EYA1: variants seen among roughly 807,000 people sequenced by gnomAD.
The protein encoded by EYA1 is protein phosphatase EYA1.
Under a neutral mutation model 82.0 loss-of-function variants are expected in EYA1, and 16 were observed. The ratio of observed to expected loss-of-function variants is 0.20; its 90% confidence interval spans 0.13 to 0.30. The LOEUF (loss-of-function observed/expected upper bound fraction) is 0.30. EYA1 is among the 10% of genes least tolerant of loss of function. The pLI is 1.00. For missense variants in EYA1, 633 were observed against 730.7 expected, an observed-to-expected ratio of 0.87 and a Z score of 1.54; for synonymous variants, 261 against 264.4, an observed-to-expected ratio of 0.99 and a Z score of 0.12.
At chr8:71,389,315 T>C (rs939625033) in intron 2 of EYA1, among the ~76,000 whole-genome samples, 19 of 152,174 alleles carry the variant, frequency 1.2e-4, no homozygotes, top group African/African-American at 4.3e-4. Context: ...GATATTTATT[T>C]ATATTGCTAA....
intron 9 of EYA1, among the ~76,000 whole-genome samples, chr8:71,293,908 T>C (rs1819286365): frequency 6.6e-6 from 1 of 150,990 alleles, no homozygotes; most frequent in African/African-American, 2.4e-5. Context: ...ACCACTCCTG[T>C]TCGACATTGT....
intron 2 of EYA1, among the ~76,000 whole-genome samples, chr8:71,486,384 G>A (rs759767075): frequency 1.3e-5 from 2 of 152,152 alleles, no homozygotes; most frequent in Non-Finnish European, 2.9e-5. Context: ...GAAAGCATTC[G>A]TTTCCCCTCA....
intron 2 of EYA1, among the ~76,000 whole-genome samples, chr8:71,405,182 C>A (rs1441933518): frequency 6.6e-6 from 1 of 152,104 alleles, no homozygotes; most frequent in Non-Finnish European, 1.5e-5. Context: ...TGAAATTCTA[C>A]AATTAGCTTA....
chr8:71,304,303 A>G lies in EYA1; in HGVS notation c.557-4583T>C, dbSNP rs905414626. Among the ~76,000 whole-genome samples the G allele has an allele frequency of 1.1e-4, 15 of 142,786 alleles. 1 individual carries two copies. The highest frequency in any genetic ancestry group is 3.7e-4 in the African/African-American group (15 of 40,392). 93.7% of individuals were successfully genotyped at this position (142,786 alleles called of 152,430 possible). On this transcript the variant is annotated intron_variant, in intron 7 of 17. Coordinates refer to ENST00000340726, the MANE Select transcript of EYA1 (RefSeq NM_000503.6). ...CCCGTTTATAGACGAAGAAACTGCC[A>G]GAGGTAATAAGCAACTGTGGCAGAG...
At chr8:71,505,009 AG>A (rs1456124554) in intron 2 of EYA1, among the ~76,000 whole-genome samples, 2 of 152,150 alleles carry the variant, frequency 1.3e-5, no homozygotes, top group Admixed American at 6.5e-5. Flanking sequence ...CATGTTGGCC[AG>A]GCTGGTCTCA....
intron 3 of EYA1, among the ~76,000 whole-genome samples, chr8:71,342,506 T>C (rs767702858): frequency 3.8e-4 from 58 of 152,290 alleles, no homozygotes; most frequent in Non-Finnish European, 7.5e-4. Context: ...AAGAGCTCTT[T>C]CTTCTGTACT....
intron 16 of EYA1, among the ~76,000 whole-genome samples, chr8:71,212,107 T>C (rs1808590465): frequency 6.6e-6 from 1 of 152,198 alleles, no homozygotes; most frequent in Non-Finnish European, 1.5e-5. Flanking sequence ...GGACTGCCAA[T>C]AGGGTCATTT....
intron 9 of EYA1, among the ~76,000 whole-genome samples, chr8:71,297,051 T>G (rs1168456781): frequency 6.6e-6 from 1 of 152,194 alleles, no homozygotes; most frequent in African/African-American, 2.4e-5. Flanking sequence ...GGAAGAGGTA[T>G]GTATAAGAAA....
chr8:71,370,692 G>T (rs2129089092), intron 2 of EYA1, among the ~76,000 whole-genome samples: 1 of 152,172 alleles, frequency 6.6e-6, no homozygotes, highest in Admixed American at 6.5e-5. Flanking sequence ...TGCAATCATG[G>T]CTCCCTGCAT....
intron 11 of EYA1, among the ~76,000 whole-genome samples, chr8:71,253,704 C>T (rs1258095683): frequency 2.0e-5 from 3 of 152,140 alleles, no homozygotes; most frequent in Non-Finnish European, 2.9e-5. Flanking sequence ...TTAGTTCTCT[C>T]ACTTGAAACT....
In EYA1 at chr8:71,545,901, G is replaced by T. The variant is rs531264921; in HGVS notation, c.-73+1963C>A. 2.2e-4 allele frequency among the ~76,000 whole-genome samples: 34 copies of T among 152,142 alleles called. 1 individual carries two copies. In the East Asian group the frequency reaches 6.0e-3, roughly 27 times the overall value. ...ATTCGCACTTTTCTCTGCTTTCTCT[G>T]CAAGGCCTTCACAAATTCCAAATGG... On this transcript the variant is annotated intron_variant, in intron 1 of 18. Transcript: ENST00000643681.
At position 71,472,851 on chromosome 8, in the gene EYA1, GTTTA is replaced by G. The variant is rs1809337551; in HGVS notation, c.33+62889_33+62892del. On this transcript the variant is annotated intron_variant, in intron 2 of 18. Coordinates refer to the EYA1 transcript ENST00000643681. Reference sequence around the variant, plus strand: ...TATATGCATATATATTTATATTTATGTTTATTTATATTGCCACCTTACTGTCTAG... The same window carrying G: ...TATATGCATATATATTTATATTTATGTTTATATTGCCACCTTACTGTCTAG... Among the ~76,000 whole-genome samples, 3 of 141,760 alleles carry G rather than the reference GTTTA, an allele frequency of 2.1e-5. No individual in the cohort carries two copies. The South Asian group carries it at 6.6e-4, about 31-fold the overall frequency. The allele number at this position is 141,760 out of a possible 152,430, so 93.0% of individuals were successfully genotyped here. A position where few individuals can be genotyped will look rare whatever the true frequency, so the allele number is the denominator to read the frequency against.
intron 4 of EYA1, among the ~76,000 whole-genome samples, chr8:71,328,279 A>T (rs1293755398): frequency 1.3e-5 from 2 of 152,208 alleles, no homozygotes; most frequent in Non-Finnish European, 2.9e-5. Flanking sequence ...AGCCCTGTTC[A>T]TAGCCATTCC....
intron 2 of EYA1, among the ~76,000 whole-genome samples, chr8:71,513,944 T>C (rs1586863414): frequency 6.6e-6 from 1 of 152,122 alleles, no homozygotes; most frequent in Non-Finnish European, 1.5e-5. Flanking sequence ...ATCCTGTCAT[T>C]TGCAACATGA....
intron 11 of EYA1, among the ~76,000 whole-genome samples, chr8:71,267,759 A>T (rs1437166483): frequency 6.6e-6 from 1 of 152,190 alleles, no homozygotes; most frequent in South Asian, 2.1e-4. Context: ...TGTGTTAGCC[A>T]GGATGGTCTC....
chr8:71,273,324 C>T lies in EYA1; in HGVS notation c.827-1427G>A, dbSNP rs187447967. Among the ~76,000 whole-genome samples the T allele has an allele frequency of 5.9e-5, 9 of 152,318 alleles. No homozygotes were observed. In the East Asian group the frequency reaches 1.7e-3, roughly 29 times the overall value. ...TAAGAAAGTCCAAATCAACTCCACC[C>T]CATGGGTTAGTTTATTTGGGATGCA... On this transcript the variant is annotated intron_variant, in intron 9 of 17. Transcript: ENST00000340726.
intron 9 of EYA1, among the ~76,000 whole-genome samples, chr8:71,278,303 C>T (rs191254675): frequency 1.3e-5 from 2 of 152,288 alleles, no homozygotes; most frequent in African/African-American, 2.4e-5. Context: ...GGGTTTATTG[C>T]CTACTATATC....
At chr8:71,370,780 C>T (rs1218944391) in intron 2 of EYA1, among the ~76,000 whole-genome samples, 3 of 151,418 alleles carry the variant, frequency 2.0e-5, no homozygotes, top group African/African-American at 7.3e-5. Flanking sequence ...ACCACCATGC[C>T]TAGCTATTTT....
chr8:71,479,134 C>G (rs945738092), intron 2 of EYA1, among the ~76,000 whole-genome samples: 2 of 152,130 alleles, frequency 1.3e-5, no homozygotes, highest in African/African-American at 2.4e-5. Flanking sequence ...TCCAACTTTC[C>G]TAACCCTTGC....
Sources: gnomAD v4.1 joint callset for allele counts (sites outside exome capture counted in the v4.1 genomes callset) on GRCh38, gnomAD v4.1.1 for gene constraint, MANE v1.5 for transcripts, NCBI Gene and HGNC (gene_info 2026-07-23, HGNC 2026-07-21) for gene names.